The following TMEM132D variants were observed in gnomAD, a reference collection of about 807,000 sequenced individuals.
The protein encoded by TMEM132D is transmembrane protein 132D.
A neutral mutation model predicts 62.3 loss-of-function variants in TMEM132D; 21 were observed. The ratio of observed to expected loss-of-function variants is 0.34; its 90% CI spans 0.24 to 0.49. The LOEUF (loss-of-function observed/expected upper bound fraction) is 0.49. TMEM132D is among the 20% of genes least tolerant of loss of function. TMEM132D has a pLI of 0.99. For missense variants in TMEM132D, 1,346 were observed against 1,402.8 expected, an observed-to-expected ratio of 0.96 and a Z score of 0.65; for synonymous variants, 621 against 575.6, an observed-to-expected ratio of 1.08 and a Z score of -1.13.
At chr12:129,351,020 AG>A (rs1869845193) in intron 3 of TMEM132D, among the ~76,000 whole-genome samples, 1 of 152,214 alleles carries the variant, frequency 6.6e-6, no homozygotes, top group South Asian at 2.1e-4. Flanking sequence ...CCCACGATAT[AG>A]GATGGCTGTC....
intron 1 of TMEM132D, among the ~76,000 whole-genome samples, chr12:129,847,837 C>T (rs892531091): frequency 2.6e-5 from 4 of 152,026 alleles, no homozygotes; most frequent in Admixed American, 6.6e-5. Flanking sequence ...AAAACTATCA[C>T]GCAGTGCGGA....
At chr12:129,712,343 C>T (rs1452462793) in intron 1 of TMEM132D, among the ~76,000 whole-genome samples, 5 of 152,288 alleles carry the variant, frequency 3.3e-5, no homozygotes, top group Middle Eastern at 3.4e-3. Context: ...CCAGGATGGT[C>T]TCGATCTCCT....
chr12:129,352,439 CT>C (rs781004469), intron 3 of TMEM132D, among the ~76,000 whole-genome samples: 2 of 7,992 alleles, frequency 2.5e-4, no homozygotes, highest in African/African-American at 4.3e-4. Context: ...CACCACTTTA[CT>C]TTTTTTTTTT....
intron 1 of TMEM132D, among the ~76,000 whole-genome samples, chr12:129,841,921 C>G (rs928201919): frequency 6.7e-6 from 1 of 148,578 alleles, no homozygotes; most frequent in Non-Finnish European, 1.5e-5. Context: ...TCTAAGCACT[C>G]GTGGTTTTCG....
chr12:129,769,972 G>A (rs370695998), intron 1 of TMEM132D, among the ~76,000 whole-genome samples: 10 of 151,934 alleles, frequency 6.6e-5, no homozygotes, highest in African/African-American at 1.7e-4. Context: ...CACCACACCC[G>A]ACGAACGTTC....
chr12:129,290,365 C>T (rs565084027), intron 4 of TMEM132D, among the ~76,000 whole-genome samples: 17 of 152,068 alleles, frequency 1.1e-4, no homozygotes, highest in Admixed American at 3.3e-4. Flanking sequence ...TGTGCTAAGA[C>T]GCTGAGACTT....
At chr12:129,781,287 A>G (rs1871111048) in intron 1 of TMEM132D, among the ~76,000 whole-genome samples, 1 of 152,130 alleles carries the variant, frequency 6.6e-6, no homozygotes, top group South Asian at 2.1e-4. Context: ...CTTGTGTTTC[A>G]TAGAAATAGT....
chr12:129,244,890 C>T (rs545530147), intron 4 of TMEM132D, among the ~76,000 whole-genome samples: 25 of 152,306 alleles, frequency 1.6e-4, no homozygotes, highest in Middle Eastern at 3.4e-3. Context: ...ATCCACCTGC[C>T]TCTGCCTCCC....
chr12:129,112,250 A>C (rs1187206125), intron 5 of TMEM132D, among the ~76,000 whole-genome samples: 3 of 152,228 alleles, frequency 2.0e-5, no homozygotes, highest in African/African-American at 7.2e-5. Flanking sequence ...ATGTATGAAA[A>C]GTTGGGAAGG....
intron 4 of TMEM132D, among the ~76,000 whole-genome samples, chr12:129,281,555 A>G (rs1881152687): frequency 6.6e-6 from 1 of 151,788 alleles, no homozygotes; most frequent in Non-Finnish European, 1.5e-5. Context: ...TTTGTTTTGC[A>G]CTCTTTGGCA....
chr12:129,830,997 G>C (rs1872811687), intron 1 of TMEM132D, among the ~76,000 whole-genome samples: 3 of 152,164 alleles, frequency 2.0e-5, no homozygotes, highest in Admixed American at 2.0e-4. Context: ...TCCCTCCTGG[G>C]CTCAGGCTAG....
rs925770382 is a variant in TMEM132D, at chr12:129,478,887, C to T, written c.1115+52172G>A. Among the ~76,000 whole-genome samples the T allele has an allele frequency of 2.6e-5, 4 of 152,086 alleles. No individual in the cohort carries two copies. In the South Asian group the frequency reaches 8.3e-4, roughly 32 times the overall value. ...TTTTGTATGTGTATTTGGCATTTTG[C>T]CCCTCCAAACTCACACTGACTTTTA... is the stretch of plus-strand genomic sequence containing the variant. On this transcript the variant is annotated intron_variant, in intron 3 of 8. Coordinates refer to ENST00000422113, the MANE Select transcript of TMEM132D (RefSeq NM_133448.3).
chr12:129,539,405 CTT>C (rs33913406), intron 2 of TMEM132D, among the ~76,000 whole-genome samples: 649 of 116,980 alleles, frequency 5.5e-3, no homozygotes, highest in Non-Finnish European at 7.4e-3. Context: ...CTAATTTTTT[CTT>C]TTTTTTTTTT....
At chr12:129,227,469 A>C (rs1328879577) in intron 4 of TMEM132D, among the ~76,000 whole-genome samples, 1 of 149,704 alleles carries the variant, frequency 6.7e-6, no homozygotes, top group Non-Finnish European at 1.5e-5. Flanking sequence ...TTAATAAGAG[A>C]AAGCCACATG....
At chr12:129,176,927 T>C (rs1015296244) in intron 5 of TMEM132D, among the ~76,000 whole-genome samples, 1 of 152,254 alleles carries the variant, frequency 6.6e-6, no homozygotes, top group Non-Finnish European at 1.5e-5. Flanking sequence ...GGAAAGATCC[T>C]GTTGAGCATA....
At chr12:129,350,230 A>G (rs865892521) in intron 3 of TMEM132D, among the ~76,000 whole-genome samples, 34 of 152,250 alleles carry the variant, frequency 2.2e-4, no homozygotes, top group African/African-American at 8.2e-4. Flanking sequence ...GAAATCAAAG[A>G]CTTCTCTTCC....
chr12:129,148,680 T>A (rs1045881559), intron 5 of TMEM132D, among the ~76,000 whole-genome samples: 3 of 152,184 alleles, frequency 2.0e-5, no homozygotes, highest in Non-Finnish European at 4.4e-5. Flanking sequence ...CCAGCCTGTG[T>A]GTGGTTATTT....
At chr12:129,530,299 T>A (rs1400462637) in intron 3 of TMEM132D, among the ~76,000 whole-genome samples, 2 of 152,192 alleles carry the variant, frequency 1.3e-5, no homozygotes, top group Non-Finnish European at 2.9e-5. Context: ...ATGCATGGCA[T>A]ATCGGAATTC....
chr12:129,694,923 G>A (rs187663592), intron 2 of TMEM132D, among the ~76,000 whole-genome samples: 283 of 152,276 alleles, frequency 1.9e-3, no homozygotes, highest in Middle Eastern at 3.4e-3. Flanking sequence ...CAGGAGAATC[G>A]CTTGAACCTG....
Sources: gnomAD v4.1 joint callset for allele counts (sites outside exome capture counted in the v4.1 genomes callset) on GRCh38, gnomAD v4.1.1 for gene constraint, MANE v1.5 for transcripts, NCBI Gene and HGNC (gene_info 2026-07-23, HGNC 2026-07-21) for gene names.